Variants in FMO1 observed in about 807,000 individuals in gnomAD.
The protein encoded by FMO1 is flavin-containing monooxygenase 1.
A neutral mutation model predicts 45.4 loss-of-function variants in FMO1; 36 were observed. The ratio of observed to expected loss-of-function variants is 0.79; its 90% CI spans 0.61 to 1.05. The LOEUF is 1.05. Ranked by LOEUF, FMO1 falls within the 50% of genes least tolerant of loss-of-function variation. The probability of loss-of-function intolerance (pLI) is 0.00; values close to 1 mark genes in which losing one functional copy is unlikely to be tolerated. For missense variants in FMO1, 615 were observed against 640.3 expected (o/e 0.96, Z 0.43); for synonymous variants, 228 against 227.2 (o/e 1.00, Z -0.03).
At chr1:171,269,756 T>C (rs932086085) in intron 3 of FMO1, among the ~76,000 whole-genome samples, 2 of 152,212 alleles carry the variant, frequency 1.3e-5, no homozygotes, top group Non-Finnish European at 2.9e-5. Context: ...TCAAATAAAT[T>C]GAATAATTCA....
Position 171,282,032 on chromosome 1 carries a change from T to C in FMO1, c.882T>C (p.Thr294=), listed in dbSNP as rs970563192. Residue 294 remains threonine, a synonymous_variant, in exon 7 of 9, where the codon ACT becomes ACC. Transcript: ENST00000617670. ...LNDELPGRII[T]GKVFIRPSIK... ...ATGAGCTCCCAGGACGCATCATCACTGGGAAAGTGTTCATCAGGCCAAGCA... is the reference window on the plus strand; with the variant it reads ...ATGAGCTCCCAGGACGCATCATCACCGGGAAAGTGTTCATCAGGCCAAGCA... 1.2e-6 allele frequency: 2 copies of C among 1,613,418 alleles called. No homozygotes were observed. The highest frequency in any genetic ancestry group is 1.7e-6 in the Non-Finnish European group (2 of 1,179,862).
At chr1:171,258,767 CT>C (rs932845552) in intron 2 of FMO1, among the ~76,000 whole-genome samples, 25 of 151,924 alleles carry the variant, frequency 1.6e-4, no homozygotes, top group Non-Finnish European at 2.8e-4. Flanking sequence ...AGTTTTGAGT[CT>C]TTTTTTTATT....
chr1:171,250,436 A>C (rs1316986750), intron 1 of FMO1, among the ~76,000 whole-genome samples: 1 of 152,232 alleles, frequency 6.6e-6, no homozygotes, highest in African/African-American at 2.4e-5. Context: ...TCAAAATTTT[A>C]AAATAGCTCA....
rs139501758 is a variant in FMO1 at position 171,252,850 on chromosome 1, C to T, written c.-7+4227C>T. ...GAGGGCTGCCTACCACGGTCTGGGGCTTCAGGAATATGAGTTTGTTTATTT... is the reference window on the plus strand; with the variant it reads ...GAGGGCTGCCTACCACGGTCTGGGGTTTCAGGAATATGAGTTTGTTTATTT... On this transcript the variant is annotated intron_variant, in intron 1 of 8. Transcript: ENST00000617670. 2.3e-3 allele frequency among the ~76,000 whole-genome samples: 357 copies of T among 152,260 alleles called. 3 individuals carry two copies. Among genetic ancestry groups the T allele is most frequent in the African/African-American group, 8.0e-3 (332 of 41,546 alleles).
At chr1:171,271,719 T>C in intron 3 of FMO1, 1 of 545,524 alleles carries the variant, frequency 1.8e-6, no homozygotes, top group East Asian at 3.0e-5. Context: ...ACTGGAGATT[T>C]ATGGAACTTT....
chr1:171,261,938 C>A (rs532836104), intron 2 of FMO1, among the ~76,000 whole-genome samples: 1 of 152,226 alleles, frequency 6.6e-6, no homozygotes, highest in African/African-American at 2.4e-5. Context: ...GGATAAAGAA[C>A]CACTTCTGAC....
At chr1:171,251,427 G>A (rs1290369883) in intron 1 of FMO1, 1 of 151,368 alleles carries the variant, frequency 6.6e-6, no homozygotes, top group African/African-American at 2.4e-5. Flanking sequence ...CCCTCGAGAG[G>A]GGCGCTGCCG....
chr1:171,262,219 G>A (rs10912691), intron 2 of FMO1, among the ~76,000 whole-genome samples: 3,088 of 152,150 alleles, frequency 0.02, 118 homozygotes, highest in African/African-American at 0.07. Context: ...CAGATCACCT[G>A]AGGTCAGGAG....
At chr1:171,265,319 A>T (rs1660571129) in intron 2 of FMO1, among the ~76,000 whole-genome samples, 1 of 151,992 alleles carries the variant, frequency 6.6e-6, no homozygotes, top group Admixed American at 6.6e-5. Flanking sequence ...TGAACCCGGG[A>T]GGCAGAGCTT....
intron 2 of FMO1, among the ~76,000 whole-genome samples, 180 bp downstream of exon 2, chr1:171,258,399 G>A (rs927697845): frequency 6.6e-6 from 1 of 152,184 alleles, no homozygotes; most frequent in Non-Finnish European, 1.5e-5. Flanking sequence ...GGTGAGCTAG[G>A]GTGGAAGTCA....
chr1:171,268,074 T>C (rs1431365149), intron 3 of FMO1, among the ~76,000 whole-genome samples: 1 of 152,110 alleles, frequency 6.6e-6, no homozygotes, highest in Non-Finnish European at 1.5e-5. Context: ...CCCAGTCTCC[T>C]GTTTGGTTTT....
chr1:171,252,693 G>T (rs1400719419), intron 1 of FMO1, among the ~76,000 whole-genome samples: 2 of 152,202 alleles, frequency 1.3e-5, no homozygotes, highest in Non-Finnish European at 2.9e-5. Flanking sequence ...TGTGGCAGCT[G>T]CCACCACAGC....
At chr1:171,268,025 G>A (rs543400965) in intron 3 of FMO1, among the ~76,000 whole-genome samples, 47 of 152,278 alleles carry the variant, frequency 3.1e-4, no homozygotes, top group Middle Eastern at 3.4e-3. Context: ...TGGGCCAAAT[G>A]CCTGCCCACA....
chr1:171,252,788 CT>C (rs1278141347), intron 1 of FMO1, among the ~76,000 whole-genome samples: 1 of 152,212 alleles, frequency 6.6e-6, no homozygotes, highest in African/African-American at 2.4e-5. Flanking sequence ...GTTCCTCTCA[CT>C]GTGGCTAACA....
At chr1:171,264,448 A>C (rs1340302873) in intron 2 of FMO1, among the ~76,000 whole-genome samples, 3 of 151,498 alleles carry the variant, frequency 2.0e-5, no homozygotes, top group African/African-American at 7.3e-5. Context: ...AATTAATTTC[A>C]CTTGTTTCTT....
At position 171,277,580 on chromosome 1, in the gene FMO1, C is replaced by A. The variant is rs28360406; in HGVS notation, c.485-1149C>A. 9.3e-3 allele frequency among the ~76,000 whole-genome samples: 1,410 copies of A among 152,132 alleles called. 14 individuals carry two copies. The highest frequency in any genetic ancestry group is 0.015 in the Non-Finnish European group (1,053 of 67,982). ...ACAGCCACAGAGTCTCATTTTTGTC[C>A]ATTTGTGACCCCCCAAAACAAAGCC... On this transcript the variant is annotated intron_variant, in intron 4 of 8. Coordinates refer to ENST00000617670, the MANE Select transcript of FMO1 (RefSeq NM_001282693.2).
chr1:171,282,054 A>G lies in FMO1; in HGVS notation c.904A>G (p.Ser302Gly), dbSNP rs1280488282. 3 of 1,613,662 alleles carry G rather than the reference A, an allele frequency of 1.9e-6. No individual in the cohort carries two copies. Among genetic ancestry groups the G allele is most frequent in the Non-Finnish European group, 2.5e-6 (3 of 1,179,872 alleles). Residue 302 changes from serine to glycine, a missense_variant, in exon 7 of 9, where the codon AGC becomes GGC. By Grantham distance (56) the Ser-to-Gly change is moderately conservative (BLOSUM62 0). Coordinates refer to ENST00000617670, the MANE Select transcript of FMO1 (RefSeq NM_001282693.2). ...CACTGGGAAAGTGTTCATCAGGCCA[A>G]GCATAAAAGAGGTAAAGGAAAACTC... ...IITGKVFIRP[S>G]IKEVKENSVI... is the part of the protein sequence containing the mutation.
chr1:171,276,126 T>C (rs1475054678), intron 4 of FMO1, among the ~76,000 whole-genome samples: 3 of 152,142 alleles, frequency 2.0e-5, no homozygotes, highest in African/African-American at 7.2e-5. Flanking sequence ...GAAAATGAAA[T>C]GGTTTGGTTT....
chr1:171,267,600 A>G lies in FMO1; in HGVS notation c.190A>G (p.Lys64Glu), dbSNP rs1660670349. ...LYKSVVSNSC[K>E]EMSCYSDFPF... Reference sequence around the variant, plus strand: ...CAAGTCTGTGGTTTCCAACAGCTGCAAGGAGATGTCTTGTTACTCAGACTT... The same window carrying G: ...CAAGTCTGTGGTTTCCAACAGCTGCGAGGAGATGTCTTGTTACTCAGACTT... The change falls in exon 3 of 9, where the codon AAG becomes GAG. Residue 64 changes from lysine to glutamate, a missense_variant. Coordinates refer to ENST00000617670, the MANE Select transcript of FMO1 (RefSeq NM_001282693.2). The G allele has an allele frequency of 6.2e-7, 1 of 1,613,938 alleles. No homozygotes were observed. Among genetic ancestry groups the G allele is most frequent in the Non-Finnish European group, 8.5e-7 (1 of 1,179,860 alleles).
Sources: gnomAD v4.1 joint callset for allele counts (sites outside exome capture counted in the v4.1 genomes callset) on GRCh38, gnomAD v4.1.1 for gene constraint, MANE v1.5 for transcripts, NCBI Gene and HGNC (gene_info 2026-07-23, HGNC 2026-07-21) for gene names.